The following DGKG variants were observed in gnomAD, a reference collection of about 807,000 sequenced individuals.
DGKG encodes the protein DAG kinase gamma.
DGKG carries 78 observed loss-of-function variants against 105.3 expected under a neutral mutation model. That is an observed-to-expected ratio of 0.74 (90% confidence interval 0.62 to 0.89). The LOEUF (loss-of-function observed/expected upper bound fraction) is 0.89. Ranked by LOEUF, DGKG falls within the 40% of genes least tolerant of loss-of-function variation. The probability of loss-of-function intolerance (pLI) is 0.00; values close to 1 mark genes in which losing one functional copy is unlikely to be tolerated. For missense variants in DGKG, 958 were observed against 1,020.1 expected (o/e 0.94, Z 0.83); for synonymous variants, 346 against 367.1 (o/e 0.94, Z 0.66).
At chr3:186,353,410 T>C (rs2108675433) in intron 1 of DGKG, among the ~76,000 whole-genome samples, 1 of 151,810 alleles carries the variant, frequency 6.6e-6, no homozygotes, top group East Asian at 1.9e-4. Context: ...TCCCAGCTAC[T>C]CGAGAGGTTG....
At chr3:186,166,854 G>A (rs2108482292) in intron 22 of DGKG, among the ~76,000 whole-genome samples, 1 of 152,252 alleles carries the variant, frequency 6.6e-6, no homozygotes, top group South Asian at 2.1e-4. Flanking sequence ...TTTGTACCAG[G>A]CTTTGGTGTC....
intron 1 of DGKG, among the ~76,000 whole-genome samples, chr3:186,343,508 G>A (rs1560164877): frequency 6.6e-6 from 1 of 152,008 alleles, no homozygotes; most frequent in Admixed American, 6.6e-5. Flanking sequence ...GCCCAGGCTG[G>A]TCTCAATTTC....
At chr3:186,290,824 T>C (rs1475048336) in intron 5 of DGKG, among the ~76,000 whole-genome samples, 3 of 152,094 alleles carry the variant, frequency 2.0e-5, no homozygotes, top group South Asian at 2.1e-4. Context: ...TTCCCTTCAA[T>C]TATTCAGCTG....
chr3:186,306,266 G>C (rs552961352), intron 3 of DGKG, among the ~76,000 whole-genome samples: 6 of 152,316 alleles, frequency 3.9e-5, no homozygotes, highest in African/African-American at 1.4e-4. Flanking sequence ...GGTACCTAGA[G>C]GAGGAAGTGG....
intron 21 of DGKG, among the ~76,000 whole-genome samples, chr3:186,190,831 G>A (rs192185853): frequency 2.6e-5 from 4 of 152,156 alleles, no homozygotes; most frequent in Middle Eastern, 3.4e-3. Context: ...TAATATGTGC[G>A]CATAAAAGGA....
rs773805927 is a variant in DGKG, at chr3:186,260,449, G to GC, written c.1413dup (p.Pro472AlafsTer10). The GC allele has an allele frequency of 1.2e-6, 2 of 1,611,052 alleles. No individual in the cohort carries two copies. Among genetic ancestry groups the GC allele is most frequent in the Non-Finnish European group, 1.7e-6 (2 of 1,177,204 alleles). ...TTGTGATCTCCATACCCTGGAGTAGGCCCCCCATTGTCCAGGTTGAAAACT... is the reference window on the plus strand; with the variant it reads ...TTGTGATCTCCATACCCTGGAGTAGGCCCCCCCATTGTCCAGGTTGAAAACT... On this transcript the variant is annotated frameshift_variant, in exon 16 of 25. Coordinates refer to ENST00000265022, the MANE Select transcript of DGKG (RefSeq NM_001346.3). LOFTEE classifies it high-confidence loss of function.
intron 24 of DGKG, chr3:186,160,536 T>C: frequency 1.0e-6 from 1 of 985,432 alleles, no homozygotes; most frequent in Non-Finnish European, 1.2e-6. Context: ...GAAATTTCTG[T>C]TTTTGATAAC....
chr3:186,298,192 G>A lies in DGKG; in HGVS notation c.182C>T (p.Ala61Val), dbSNP rs769080682. The change falls in exon 4 of 25, where the codon GCG becomes GTG. Residue 61 changes from alanine (A) to valine (V), a missense_variant. Physicochemically the swap from Ala to Val is moderately conservative, Grantham distance 64. Transcript: ENST00000265022. ...SYDVFKLFMRAYLEVDLPQPL... is the reference protein window; with the variant it reads ...SYDVFKLFMRVYLEVDLPQPL... Reference sequence around the variant, plus strand: ...CTGGGGAAGGTCCACCTCCAGGTACGCCCTCATGAACAGCTTGAAGACATC... The same window carrying A: ...CTGGGGAAGGTCCACCTCCAGGTACACCCTCATGAACAGCTTGAAGACATC... The A allele has an allele frequency of 6.2e-6, 10 of 1,612,748 alleles. No homozygotes were observed. Among genetic ancestry groups the A allele is most frequent in the South Asian group, 2.2e-5 (2 of 90,806 alleles).
intron 20 of DGKG, among the ~76,000 whole-genome samples, chr3:186,238,750 A>G (rs1390670268): frequency 6.6e-6 from 1 of 152,200 alleles, no homozygotes; most frequent in African/African-American, 2.4e-5. Flanking sequence ...TGCCCATCAT[A>G]CATGGCTCGT....
intron 24 of DGKG, chr3:186,161,220 A>T: frequency 2.0e-6 from 2 of 1,010,288 alleles, no homozygotes; most frequent in Non-Finnish European, 2.4e-6. Flanking sequence ...TAAGGAAGCA[A>T]TTTGACTTGT....
chr3:186,324,162 A>G (rs2108644353), intron 1 of DGKG, among the ~76,000 whole-genome samples: 1 of 151,698 alleles, frequency 6.6e-6, no homozygotes, highest in South Asian at 2.1e-4. Flanking sequence ...GCACACCTTC[A>G]GAAGCACAGA....
chr3:186,273,230 C>T (rs1286315361), intron 10 of DGKG, among the ~76,000 whole-genome samples: 2 of 152,144 alleles, frequency 1.3e-5, no homozygotes, highest in African/African-American at 2.4e-5. Context: ...CTATTCCACA[C>T]ATTATTGCTG....
chr3:186,248,718 G>A (rs889701760), intron 19 of DGKG, among the ~76,000 whole-genome samples: 3 of 152,288 alleles, frequency 2.0e-5, no homozygotes, highest in South Asian at 4.1e-4. Flanking sequence ...ACATGAAGAC[G>A]GAGGGGGCTT....
At chr3:186,307,760 A>T (rs1447824792) in intron 2 of DGKG, among the ~76,000 whole-genome samples, 1 of 152,166 alleles carries the variant, frequency 6.6e-6, no homozygotes, top group African/African-American at 2.4e-5. Context: ...TTAAAAATTC[A>T]TTAAGTATGT....
chr3:186,240,251 G>A (rs1210213458), intron 20 of DGKG, among the ~76,000 whole-genome samples: 1 of 152,070 alleles, frequency 6.6e-6, no homozygotes, highest in Non-Finnish European at 1.5e-5. Context: ...AACCCTCCAT[G>A]CCACGTTTCG....
Position 186,273,346 on chromosome 3 carries a change from G to A in DGKG, c.911-1003C>T, listed in dbSNP as rs182030016. ...GGGTAAGAGCTGGGTTTGAACTGGC[G>A]CTGGGGAGACTGTTGTACCCCTTTT... is the stretch of plus-strand genomic sequence containing the variant. On this transcript the variant is annotated intron_variant, in intron 10 of 24. Transcript: ENST00000265022. Among the ~76,000 whole-genome samples the A allele has an allele frequency of 1.4e-3, 205 of 148,908 alleles. 1 individual carries two copies. Among genetic ancestry groups the A allele is most frequent in the African/African-American group, 4.7e-3 (189 of 40,636 alleles).
intron 16 of DGKG, among the ~76,000 whole-genome samples, chr3:186,259,678 T>C (rs1294160716): frequency 2.0e-5 from 3 of 151,870 alleles, no homozygotes; most frequent in Non-Finnish European, 4.4e-5. Flanking sequence ...GCCCAGAGTA[T>C]GCAGACAGCC....
At chr3:186,341,753 C>T (rs1399342050) in intron 1 of DGKG, among the ~76,000 whole-genome samples, 1 of 152,094 alleles carries the variant, frequency 6.6e-6, no homozygotes, top group Non-Finnish European at 1.5e-5. Context: ...ATAGCAAAGA[C>T]TTGGAACCAA....
intron 5 of DGKG, among the ~76,000 whole-genome samples, chr3:186,294,163 A>G (rs1233036831): frequency 6.6e-6 from 1 of 152,212 alleles, no homozygotes; most frequent in Non-Finnish European, 1.5e-5. Context: ...GAGGTCTTAA[A>G]TAAGTCAGCT....
Sources: allele counts gnomAD v4.1 joint callset (sites outside exome capture counted in the v4.1 genomes callset), GRCh38; gene constraint gnomAD v4.1.1; transcripts MANE v1.5; gene names NCBI Gene and HGNC (gene_info 2026-07-23, HGNC 2026-07-21).